Variants in ZDHHC3 observed in about 807,000 individuals in gnomAD.
ZDHHC3 encodes palmitoyltransferase ZDHHC3.
A neutral mutation model predicts 30.6 loss-of-function variants in ZDHHC3; 9 were observed. That is an observed-to-expected ratio of 0.29 (90% CI 0.18 to 0.51). The LOEUF is 0.51. Ranked by LOEUF, ZDHHC3 falls within the 20% of genes least tolerant of loss-of-function variation. ZDHHC3 has a pLI of 0.97. For synonymous variants in ZDHHC3, 136 were observed against 140.2 expected (o/e 0.97, Z 0.21); for missense variants, 246 against 384.2 (o/e 0.64, Z 3.01).
chr3:44,948,546 C>T (rs905033401), intron 2 of ZDHHC3, among the ~76,000 whole-genome samples: 2 of 152,230 alleles, frequency 1.3e-5, no homozygotes, highest in South Asian at 2.1e-4. Flanking sequence ...CCTCATACAG[C>T]TGGTGGGTGG....
At chr3:44,953,529 C>T (rs1703657234) in intron 2 of ZDHHC3, among the ~76,000 whole-genome samples, 2 of 152,142 alleles carry the variant, frequency 1.3e-5, no homozygotes, top group Admixed American at 6.6e-5. Flanking sequence ...TTTCAAGCAA[C>T]AAGAATGAAA....
At chr3:44,966,920 T>C (rs1189927439) in intron 1 of ZDHHC3, among the ~76,000 whole-genome samples, 8 of 152,210 alleles carry the variant, frequency 5.3e-5, no homozygotes, top group African/African-American at 1.9e-4. Flanking sequence ...CCTTATCTTC[T>C]GCGGCACACC....
chr3:44,943,072 C>G (rs1361071295), intron 3 of ZDHHC3, among the ~76,000 whole-genome samples: 2 of 152,180 alleles, frequency 1.3e-5, no homozygotes, highest in Non-Finnish European at 2.9e-5. Flanking sequence ...AGACAGAAAC[C>G]CCGGAGGAGC....
At chr3:44,931,982 TACA>T (rs1701532322) in intron 5 of ZDHHC3, among the ~76,000 whole-genome samples, 1 of 152,194 alleles carries the variant, frequency 6.6e-6, no homozygotes, top group African/African-American at 2.4e-5. Flanking sequence ...CCAGCACCAT[TACA>T]ACAACAGGGA....
chr3:44,936,792 T>A (rs1478236015), intron 3 of ZDHHC3, among the ~76,000 whole-genome samples: 3 of 152,000 alleles, frequency 2.0e-5, no homozygotes, highest in Non-Finnish European at 4.4e-5. Flanking sequence ...GATGAAATAA[T>A]ATGTACAACA....
chr3:44,922,779 A>G lies in ZDHHC3; in HGVS notation c.*3910T>C. The stretch of plus-strand genomic sequence containing the variant: ...CCTGGGGTGGGGACCGAGAATGTGC[A>G]TTTCTAACAAGTTCTCAGGTGATGC... On this transcript the variant is annotated 3_prime_UTR_variant, in exon 7 of 7. Coordinates refer to ENST00000424952, the MANE Select transcript of ZDHHC3 (RefSeq NM_001135179.2). 1.0e-6 allele frequency: 1 copy of G among 985,114 alleles called. No homozygotes were observed. Among genetic ancestry groups the G allele is most frequent in the Non-Finnish European group, 1.2e-6 (1 of 829,680 alleles). 61.0% of individuals were successfully genotyped at this position (985,114 alleles called of 1,614,324 possible). A position where few individuals can be genotyped will look rare whatever the true frequency, so the allele number is the denominator to read the frequency against.
Position 44,959,967 on chromosome 3 carries a change from T to C in ZDHHC3, c.-24-507A>G, listed in dbSNP as rs1372760227. On this transcript the variant is annotated intron_variant, in intron 1 of 6. Transcript: ENST00000424952. The surrounding 1 kb of genome is among the most constrained non-coding windows in gnomAD (Gnocchi z 4.3). ...TTGTAGAGATGGGGTTTTGCCATGT[T>C]GCCCAGGCTGATCTCAAACTCCTGA... Among the ~76,000 whole-genome samples the C allele has an allele frequency of 6.6e-6, 1 of 152,214 alleles. No homozygotes were observed. Among genetic ancestry groups the C allele is most frequent in the African/African-American group, 2.4e-5 (1 of 41,452 alleles).
intron 2 of ZDHHC3, among the ~76,000 whole-genome samples, chr3:44,953,673 C>T (rs1703670244): frequency 6.6e-6 from 1 of 152,168 alleles, no homozygotes; most frequent in South Asian, 2.1e-4. Flanking sequence ...GTGTCTCCTC[C>T]ACAGAAAAGT....
intron 1 of ZDHHC3, among the ~76,000 whole-genome samples, chr3:44,969,110 T>C (rs1705195422): frequency 6.6e-6 from 1 of 152,224 alleles, no homozygotes. Context: ...CAATGAACAC[T>C]TGCCGATGAC....
In ZDHHC3 at chr3:44,924,431, T is replaced by C. The variant is rs529338591; in HGVS notation, c.*2258A>G. The C allele has an allele frequency of 4.0e-5, 39 of 985,448 alleles. No individual in the cohort carries two copies. The highest frequency in any genetic ancestry group is 4.6e-5 in the Non-Finnish European group (38 of 829,932). 61.0% of individuals were successfully genotyped at this position (985,448 alleles called of 1,614,324 possible). The stretch of plus-strand genomic sequence containing the variant: ...CAACTGGTTTGAGAGCTCAGAAACA[T>C]TGACTCTTTCTAGCCAAGGCCTATA... On this transcript the variant is annotated 3_prime_UTR_variant, in exon 7 of 7. Transcript: ENST00000424952.
chr3:44,951,602 C>T (rs1263315840), intron 2 of ZDHHC3, among the ~76,000 whole-genome samples: 2 of 152,174 alleles, frequency 1.3e-5, no homozygotes, highest in Admixed American at 6.5e-5. Context: ...CAATCCTGGC[C>T]CTCAGGGCCC....
rs894843155 is a variant in ZDHHC3, at chr3:44,926,027, A to C, written c.*662T>G. 5 of 985,894 alleles carry C rather than the reference A, an allele frequency of 5.1e-6. No homozygotes were observed. Among genetic ancestry groups the C allele is most frequent in the Non-Finnish European group, 6.0e-6 (5 of 829,946 alleles). 61.1% of individuals were successfully genotyped at this position (985,894 alleles called of 1,614,324 possible). A position where few individuals can be genotyped will look rare whatever the true frequency, so the allele number is the denominator to read the frequency against. On this transcript the variant is annotated 3_prime_UTR_variant, in exon 7 of 7. Transcript: ENST00000424952. ...AATATAATTGCTGATTCAGAATACA[A>C]ATAAGACCTCTTTCATCTTTCTCCC... is the stretch of plus-strand genomic sequence containing the variant.
chr3:44,926,240 A>G lies in ZDHHC3; in HGVS notation c.*449T>C, dbSNP rs1370584884. 5.1e-6 allele frequency: 5 copies of G among 986,554 alleles called. No homozygotes were observed. The East Asian group carries it at 3.4e-4, about 67-fold the overall frequency. The allele number at this position is 986,554 out of a possible 1,614,324, so 61.1% of individuals were successfully genotyped here. ...CATCTTCGGTGAGGTTTTATGTCCC[A>G]TCGGGGAGCCCGCCACTGCCTCCTG... On this transcript the variant is annotated 3_prime_UTR_variant, in exon 7 of 7. Coordinates refer to ENST00000424952, the MANE Select transcript of ZDHHC3 (RefSeq NM_001135179.2).
chr3:44,939,939 A>G (rs1702297973), intron 3 of ZDHHC3, among the ~76,000 whole-genome samples: 1 of 152,154 alleles, frequency 6.6e-6, no homozygotes, highest in Non-Finnish European at 1.5e-5. Context: ...TCCTTGGGCC[A>G]GGTGGTATGC....
chr3:44,962,495 AGAAGGAAG>A (rs60365987), intron 1 of ZDHHC3, among the ~76,000 whole-genome samples: 1,861 of 112,284 alleles, frequency 0.017, 23 homozygotes, highest in Middle Eastern at 0.084. Context: ...AAAGGGAGAG[AGAAGGAAG>A]GAAGGAAGGA....
intron 3 of ZDHHC3, among the ~76,000 whole-genome samples, chr3:44,939,420 C>G (rs888840570): frequency 1.3e-5 from 2 of 152,238 alleles, no homozygotes; most frequent in African/African-American, 4.8e-5. Context: ...AGGCCTCAGG[C>G]ACCAGGTGCC....
intron 3 of ZDHHC3, among the ~76,000 whole-genome samples, chr3:44,942,604 A>G (rs1331416307): frequency 2.6e-5 from 4 of 151,812 alleles, no homozygotes; most frequent in East Asian, 3.9e-4. Flanking sequence ...CAAAGTTAAC[A>G]CCTCCCTGTT....
chr3:44,931,687 A>G (rs1399272475), intron 5 of ZDHHC3, among the ~76,000 whole-genome samples: 1 of 152,162 alleles, frequency 6.6e-6, no homozygotes. Flanking sequence ...AGGAATTTTG[A>G]CCACAGTTAA....
chr3:44,925,451 T>C lies in ZDHHC3; in HGVS notation c.*1238A>G, dbSNP rs1559649813. The C allele has an allele frequency of 2.0e-6, 2 of 985,386 alleles. No homozygotes were observed. Among genetic ancestry groups the C allele is most frequent in the Non-Finnish European group, 2.4e-6 (2 of 829,952 alleles). 61.0% of individuals were successfully genotyped at this position (985,386 alleles called of 1,614,324 possible). ...ATTTTTGCACTTGGAGGGCACTCCC[T>C]ACCTCCTTCACCTCTATCCACCATC... is the stretch of plus-strand genomic sequence containing the variant. On this transcript the variant is annotated 3_prime_UTR_variant, in exon 7 of 7. Transcript: ENST00000424952.
Sources: allele counts gnomAD v4.1 joint callset (sites outside exome capture counted in the v4.1 genomes callset), GRCh38; gene constraint gnomAD v4.1.1; non-coding constraint Gnocchi (gnomAD v3.1); transcripts MANE v1.5; gene names NCBI Gene and HGNC (gene_info 2026-07-23, HGNC 2026-07-21).